Variants in CWF19L2 observed in about 807,000 individuals in gnomAD.
The protein encoded by CWF19L2 is CWF19-like protein 2.
In CWF19L2, 98 loss-of-function variants were observed where a neutral mutation model predicts 111.7. That is an observed-to-expected ratio of 0.88 (90% CI 0.75 to 1.04). The LOEUF (loss-of-function observed/expected upper bound fraction) is 1.04. Ranked by LOEUF, CWF19L2 falls within the 50% of genes least tolerant of loss-of-function variation. The pLI is 0.00. For synonymous variants in CWF19L2, 351 were observed against 342.9 expected, an observed-to-expected ratio of 1.02 and a Z score of -0.26; for missense variants, 1,101 against 1,051.4, an observed-to-expected ratio of 1.05 and a Z score of -0.65.
chr11:107,336,491 C>A, intron 15 of CWF19L2, 67 bp downstream of exon 15: 1 of 1,251,426 alleles, frequency 8.0e-7, no homozygotes, highest in Non-Finnish European at 1.1e-6. Flanking sequence ...TTAATAAAGA[C>A]AACAATATTT....
chr11:107,328,272 T>C lies in CWF19L2; in HGVS notation c.2542-1219A>G, dbSNP rs183655147. 2.4e-3 allele frequency among the ~76,000 whole-genome samples: 368 copies of C among 151,972 alleles called. 1 individual carries two copies. Among genetic ancestry groups the C allele is most frequent in the African/African-American group, 8.1e-3 (336 of 41,488 alleles). On this transcript the variant is annotated intron_variant, in intron 17 of 17. Transcript: ENST00000282251. ...TAGTAGAAAAGAGAAATAGGGCAAA[T>C]TGAGATTTAGTTCAAGAGTTTCTCA... is the stretch of plus-strand genomic sequence containing the variant.
chr11:107,343,464 C>A (rs1225881295), intron 14 of CWF19L2, among the ~76,000 whole-genome samples: 1 of 151,882 alleles, frequency 6.6e-6, no homozygotes, highest in Non-Finnish European at 1.5e-5. Context: ...ATTTTTCCAA[C>A]CTTTTATATT....
intron 10 of CWF19L2, among the ~76,000 whole-genome samples, chr11:107,398,950 G>A (rs1176627232): frequency 1.3e-5 from 2 of 152,124 alleles, no homozygotes. Flanking sequence ...GATATATGAA[G>A]GAAAGACACA....
In CWF19L2 at chr11:107,435,886, C is replaced by G. The variant is rs35743606; in HGVS notation, c.665-2137G>C. Among the ~76,000 whole-genome samples, 299 of 151,972 alleles carry G rather than the reference C, an allele frequency of 2.0e-3. 1 individual carries two copies. Among genetic ancestry groups the G allele is most frequent in the African/African-American group, 6.5e-3 (268 of 41,456 alleles). On this transcript the variant is annotated intron_variant, in intron 6 of 17. Transcript: ENST00000282251. The stretch of plus-strand genomic sequence containing the variant: ...CATGAATGTACAAGGCCAGGTGCAG[C>G]GGCTCACGCCTGTAATCCCAGCACT...
intron 12 of CWF19L2, among the ~76,000 whole-genome samples, chr11:107,374,883 G>A (rs1488322112): frequency 4.0e-5 from 6 of 151,396 alleles, no homozygotes; most frequent in East Asian, 1.9e-4. Flanking sequence ...CCCATCTCAC[G>A]GGCAGAGACA....
At chr11:107,422,677 A>G (rs1861318518) in intron 8 of CWF19L2, among the ~76,000 whole-genome samples, 1 of 152,036 alleles carries the variant, frequency 6.6e-6, no homozygotes, top group Non-Finnish European at 1.5e-5. Context: ...ATCTGGTATT[A>G]TTAGTTTTCC....
chr11:107,426,356 G>A (rs1448206290), intron 8 of CWF19L2, among the ~76,000 whole-genome samples: 1 of 151,856 alleles, frequency 6.6e-6, no homozygotes, highest in African/African-American at 2.4e-5. Flanking sequence ...GCAAGAAGTA[G>A]GAGAAAAGTC....
Position 107,442,898 on chromosome 11 carries a change from A to G in CWF19L2, c.450+41T>C, listed in dbSNP as rs146051251. 5,109 of 1,254,098 alleles carry G rather than the reference A, an allele frequency of 4.1e-3. 245 individuals are homozygous for G. The African/African-American group carries it at 0.068, about 17-fold the overall frequency. The allele number at this position is 1,254,098 out of a possible 1,614,324, so 77.7% of individuals were successfully genotyped here. ...GGAGGGAGGGAGGAAGGAAGGAAGG[A>G]AGGAAGAAAGCAAGGAAGGAAAATC... On this transcript the variant is annotated intron_variant, in intron 4 of 17. Transcript: ENST00000282251.
At chr11:107,443,620 C>T (rs1861662843) in intron 3 of CWF19L2, among the ~76,000 whole-genome samples, 1 of 150,770 alleles carries the variant, frequency 6.6e-6, no homozygotes, top group African/African-American at 2.4e-5. Flanking sequence ...ATGGGAACTG[C>T]CAAGTAGAGA....
chr11:107,373,157 C>T (rs1484724463), intron 12 of CWF19L2, among the ~76,000 whole-genome samples: 1 of 15,812 alleles, frequency 6.3e-5, no homozygotes, highest in East Asian at 1.6e-3. Flanking sequence ...ACCACAGCAG[C>T]TGAGATCAAA....
chr11:107,334,839 A>T, intron 16 of CWF19L2, 42 bp downstream of exon 16: 1 of 1,189,468 alleles, frequency 8.4e-7, no homozygotes, highest in Non-Finnish European at 1.3e-6. Flanking sequence ...AAAGATCCTG[A>T]GCACTAGGGT....
chr11:107,353,218 T>C (rs757639225), intron 13 of CWF19L2, among the ~76,000 whole-genome samples: 73 of 152,194 alleles, frequency 4.8e-4, no homozygotes, highest in Non-Finnish European at 9.9e-4. Context: ...GTCTCAACTT[T>C]TCCCCAGTGA....
chr11:107,360,669 A>C (rs1860314273), intron 12 of CWF19L2, among the ~76,000 whole-genome samples: 1 of 152,236 alleles, frequency 6.6e-6, no homozygotes, highest in Admixed American at 6.5e-5. Context: ...AATTTTTAAT[A>C]GTAGCCATTC....
In CWF19L2 at chr11:107,359,123, C is replaced by A. The variant is rs1591161129; in HGVS notation, c.1873-5387G>T. ...ATGAGTTTGGACTCACCAAAGCCAACTGGGCTACATACACTGCTGAATACC... is the reference window on the plus strand; with the variant it reads ...ATGAGTTTGGACTCACCAAAGCCAAATGGGCTACATACACTGCTGAATACC... On this transcript the variant is annotated intron_variant, in intron 12 of 17. Coordinates refer to ENST00000282251, the MANE Select transcript of CWF19L2 (RefSeq NM_152434.3). Among the ~76,000 whole-genome samples, 5 of 152,322 alleles carry A rather than the reference C, an allele frequency of 3.3e-5. No homozygotes were observed. In the South Asian group the frequency reaches 1.0e-3, roughly 32 times the overall value.
At chr11:107,429,505 C>T in intron 7 of CWF19L2, 54 bp from the exon 8 acceptor site, 5 of 1,374,354 alleles carry the variant, frequency 3.6e-6, no homozygotes, top group Non-Finnish European at 4.9e-6. Flanking sequence ...GGCTCAGTGA[C>T]TTGCACCCCA....
chr11:107,450,811 C>G (rs1015933149), intron 3 of CWF19L2, among the ~76,000 whole-genome samples: 21 of 152,090 alleles, frequency 1.4e-4, no homozygotes, highest in Non-Finnish European at 2.8e-4. Flanking sequence ...GTCAGTTCAT[C>G]AAGGAGCTGT....
At chr11:107,418,113 C>A in intron 9 of CWF19L2, 81 bp downstream of exon 9, 3 of 885,892 alleles carry the variant, frequency 3.4e-6, no homozygotes, top group Non-Finnish European at 5.7e-6. Context: ...TATATCCACA[C>A]TGCTAAGGAA....
chr11:107,457,195 T>C (rs909052028), intron 1 of CWF19L2, among the ~76,000 whole-genome samples: 1 of 152,222 alleles, frequency 6.6e-6, no homozygotes, highest in Non-Finnish European at 1.5e-5. Flanking sequence ...AGGCTAAATA[T>C]ACTGAGATTG....
intron 12 of CWF19L2, among the ~76,000 whole-genome samples, chr11:107,376,549 T>G (rs1429370859): frequency 1.7e-5 from 1 of 59,344 alleles, no homozygotes; most frequent in Non-Finnish European, 2.9e-5. Context: ...AAAAGGCCTT[T>G]GACAAAATTC....
Sources: gnomAD v4.1 joint callset for allele counts (sites outside exome capture counted in the v4.1 genomes callset) on GRCh38, gnomAD v4.1.1 for gene constraint, MANE v1.5 for transcripts, NCBI Gene and HGNC (gene_info 2026-07-23, HGNC 2026-07-21) for gene names.